NINJ1: variants seen among roughly 807,000 people sequenced by gnomAD.
NINJ1 encodes ninjurin-1.
In NINJ1, 6 loss-of-function variants were observed where a neutral mutation model predicts 12.7. The observed-to-expected ratio is 0.47, with a 90% CI of 0.26 to 0.93. The LOEUF is 0.93. Ranked by LOEUF, NINJ1 falls within the 40% of genes least tolerant of loss-of-function variation. NINJ1 has a pLI of 0.15. For missense variants in NINJ1, 170 were observed against 213.0 expected (o/e 0.80, Z 1.26); for synonymous variants, 100 against 96.0 (o/e 1.04, Z -0.25).
At chr9:93,126,078 T>G (rs1370166004) in intron 2 of NINJ1, 1 of 323,520 alleles carries the variant, frequency 3.1e-6, no homozygotes, top group African/African-American at 2.1e-5. Flanking sequence ...GCGCCTGTAA[T>G]CCCAGTTACT....
chr9:93,122,725 C>G (rs745501094), intron 3 of NINJ1, among the ~76,000 whole-genome samples: 1 of 152,182 alleles, frequency 6.6e-6, no homozygotes, highest in South Asian at 2.1e-4. Flanking sequence ...ACCCACGAAG[C>G]CTGAGACCTC....
chr9:93,126,576 G>A lies in NINJ1; in HGVS notation c.138C>T (p.Ser46=), dbSNP rs538594312. 77 of 1,613,844 alleles carry A rather than the reference G, an allele frequency of 4.8e-5. 1 individual carries two copies. The highest frequency in any genetic ancestry group is 2.3e-4 in the South Asian group (21 of 91,060). The change falls in exon 2 of 4, where the codon AGC becomes AGT. Residue 46 remains serine, a synonymous_variant. Coordinates refer to ENST00000375446, the MANE Select transcript of NINJ1 (RefSeq NM_004148.4). ...INVNHYASKK[S]AAESMLDIAL... ...CGATGTCCAGCATGCTCTCGGCTGC[G>A]CTCTTCTTGCTGGCGTAATGGTTCA...
At chr9:93,126,892 T>C (rs559616311) in intron 1 of NINJ1, among the ~76,000 whole-genome samples, 74 of 152,296 alleles carry the variant, frequency 4.9e-4, no homozygotes, top group African/African-American at 1.8e-3. Flanking sequence ...ACACGCACTC[T>C]GATTTTCCAC....
intron 1 of NINJ1, 40 bp from the exon 2 acceptor site, chr9:93,126,678 G>C (rs200089902): frequency 4.0e-5 from 61 of 1,512,524 alleles, no homozygotes; most frequent in African/African-American, 6.8e-5. Flanking sequence ...GGTGGGGGAG[G>C]GGGGCAAGGG....
intron 1 of NINJ1, among the ~76,000 whole-genome samples, chr9:93,130,456 G>A (rs550201146): frequency 2.6e-5 from 4 of 152,216 alleles, no homozygotes; most frequent in Non-Finnish European, 5.9e-5. Context: ...GGAGGAGACA[G>A]GGTCGGGGCT....
rs1324995124 is a variant in NINJ1 at position 93,124,794 on chromosome 9, G to A, written c.*9+105C>T. 23 of 1,266,438 alleles carry A rather than the reference G, an allele frequency of 1.8e-5. No homozygotes were observed. In the East Asian group the frequency reaches 3.8e-4, roughly 21 times the overall value. The allele number at this position is 1,266,438 out of a possible 1,614,324, so 78.5% of individuals were successfully genotyped here. On this transcript the variant is annotated intron_variant, in intron 3 of 3. Coordinates refer to ENST00000375446, the MANE Select transcript of NINJ1 (RefSeq NM_004148.4). ...TGTGGACGAGGATGCCCATGGCCTA[G>A]GAAGGTGTCCAAGGCTGGCCGGCCA...
chr9:93,124,800 T>C, intron 3 of NINJ1, 99 bp downstream of exon 3: 1 of 1,286,728 alleles, frequency 7.8e-7, no homozygotes, highest in Non-Finnish European at 1.1e-6. Context: ...CCTAGGAAGG[T>C]GTCCAAGGCT....
At chr9:93,124,651 G>A (rs1425592548) in intron 3 of NINJ1, among the ~76,000 whole-genome samples, 3 of 152,058 alleles carry the variant, frequency 2.0e-5, no homozygotes, top group Non-Finnish European at 4.4e-5. Flanking sequence ...TCTCCAGGAT[G>A]TTCAAATGGT....
chr9:93,126,902 C>G (rs753405906), intron 1 of NINJ1, among the ~76,000 whole-genome samples: 2 of 152,186 alleles, frequency 1.3e-5, no homozygotes, highest in Non-Finnish European at 2.9e-5. Context: ...TGATTTTCCA[C>G]TGGAAAGCAT....
At chr9:93,123,935 AT>A (rs1172660583) in intron 3 of NINJ1, among the ~76,000 whole-genome samples, 2 of 152,244 alleles carry the variant, frequency 1.3e-5, no homozygotes, top group Non-Finnish European at 2.9e-5. Flanking sequence ...GAGAGGCTGT[AT>A]GTGGTGTGAG....
chr9:93,130,812 G>C (rs115407597), intron 1 of NINJ1, among the ~76,000 whole-genome samples: 2 of 152,326 alleles, frequency 1.3e-5, no homozygotes, highest in Admixed American at 6.5e-5. Flanking sequence ...ACACAGCAAA[G>C]AAAGGACAGC....
chr9:93,127,719 C>G (rs1324742727), intron 1 of NINJ1, among the ~76,000 whole-genome samples: 1 of 152,246 alleles, frequency 6.6e-6, no homozygotes. Flanking sequence ...TTGCCAGGCC[C>G]TAGACCACAG....
intron 1 of NINJ1, among the ~76,000 whole-genome samples, chr9:93,133,232 C>T (rs1443689093): frequency 6.6e-6 from 1 of 152,246 alleles, no homozygotes; most frequent in Non-Finnish European, 1.5e-5. Context: ...CCTGTCCCCA[C>T]AGCACCGGCC....
chr9:93,132,820 G>A (rs1827916861), intron 1 of NINJ1, among the ~76,000 whole-genome samples: 1 of 152,272 alleles, frequency 6.6e-6, no homozygotes. Flanking sequence ...AGTGAGCAGA[G>A]ACTGCTCTGA....
At chr9:93,125,260 G>T (rs1236371741) in intron 2 of NINJ1, 198 bp from the exon 3 acceptor site, 1 of 520,176 alleles carries the variant, frequency 1.9e-6, no homozygotes, top group East Asian at 3.5e-5. Context: ...AGCGCCCCTG[G>T]CTTGGGCAAC....
intron 2 of NINJ1, 102 bp from the exon 3 acceptor site, chr9:93,125,164 G>A: frequency 8.4e-7 from 1 of 1,189,534 alleles, no homozygotes; most frequent in Non-Finnish European, 1.2e-6. Context: ...AAGCTGTCCT[G>A]GGACATTACA....
At position 93,133,460 on chromosome 9, in the gene NINJ1, A is replaced by T. The variant is rs1827927165; in HGVS notation, c.75+683T>A. On this transcript the variant is annotated intron_variant, in intron 1 of 3. Coordinates refer to ENST00000375446, the MANE Select transcript of NINJ1 (RefSeq NM_004148.4). ...TCAGTAAGTGCTGAGTCCTGGGATG[A>T]AGAATTCTGAAGCGGGACCACTACC... 2.6e-5 allele frequency among the ~76,000 whole-genome samples: 4 copies of T among 152,342 alleles called. No individual in the cohort carries two copies. The South Asian group carries it at 8.3e-4, about 32-fold the overall frequency.
At chr9:93,122,488 G>A (rs1827750090) in intron 3 of NINJ1, among the ~76,000 whole-genome samples, 1 of 151,392 alleles carries the variant, frequency 6.6e-6, no homozygotes, top group Non-Finnish European at 1.5e-5. Flanking sequence ...AGGAGGGAGA[G>A]GAGAGGCTCT....
chr9:93,126,936 A>G (rs929177230), intron 1 of NINJ1, among the ~76,000 whole-genome samples: 1 of 152,050 alleles, frequency 6.6e-6, no homozygotes, highest in African/African-American at 2.4e-5. Flanking sequence ...CACTCCTGCC[A>G]TAGGCGGGGC....
Sources: gnomAD v4.1 joint callset for allele counts (sites outside exome capture counted in the v4.1 genomes callset) on GRCh38, gnomAD v4.1.1 for gene constraint, MANE v1.5 for transcripts, NCBI Gene and HGNC (gene_info 2026-07-23, HGNC 2026-07-21) for gene names.